Variants in PLEKHG5 observed in about 807,000 individuals in gnomAD.
The protein encoded by PLEKHG5 is pleckstrin homology domain-containing family G member 5.
PLEKHG5 carries 52 observed loss-of-function variants against 103.8 expected under a neutral mutation model. That is an observed-to-expected ratio of 0.50 (90% CI 0.40 to 0.63). The LOEUF (loss-of-function observed/expected upper bound fraction) is 0.63. PLEKHG5 is among the 30% of genes least tolerant of loss of function. The pLI, the probability that PLEKHG5 is intolerant of heterozygous loss-of-function variation, is 0.00. For missense variants in PLEKHG5, 1,205 were observed against 1,347.6 expected (o/e 0.89, Z 1.66); for synonymous variants, 592 against 575.5 (o/e 1.03, Z -0.41).
At chr1:6,497,679 G>C (rs958377075), upstream of PLEKHG5, among the ~76,000 whole-genome samples, 1 of 152,038 alleles carries the variant, frequency 6.6e-6, no homozygotes, top group Non-Finnish European at 1.5e-5. The surrounding 1 kb of genome is among the most constrained non-coding windows in gnomAD (Gnocchi z 6.1). Context: ...CTGTCCGCAG[G>C]AATGCAGGCC....
intron 1 of PLEKHG5, among the ~76,000 whole-genome samples, chr1:6,511,478 G>A (rs1201778122): frequency 6.6e-6 from 1 of 152,250 alleles, no homozygotes; most frequent in Non-Finnish European, 1.5e-5. Flanking sequence ...AGCCTGGCAA[G>A]CCCGAGAGAA....
At chr1:6,515,456 G>A (rs1638588056) in intron 1 of PLEKHG5, among the ~76,000 whole-genome samples, 1 of 152,158 alleles carries the variant, frequency 6.6e-6, no homozygotes, top group Non-Finnish European at 1.5e-5. Flanking sequence ...GAACCCAGGA[G>A]GTGGGGGTTG....
intron 7 of PLEKHG5, 108 bp downstream of exon 7, chr1:6,473,905 C>T (rs961555354): frequency 8.9e-6 from 10 of 1,120,826 alleles, no homozygotes; most frequent in African/African-American, 7.8e-5. Flanking sequence ...AATTAAAACC[C>T]CAAGATGGGG....
At chr1:6,476,747 A>G (rs1404404029) in intron 2 of PLEKHG5, among the ~76,000 whole-genome samples, 1 of 151,568 alleles carries the variant, frequency 6.6e-6, no homozygotes, top group East Asian at 1.9e-4. Context: ...AGTGGGAGAG[A>G]GTCTTTTGTT....
chr1:6,486,293 G>A lies in PLEKHG5; in HGVS notation c.-88+5344C>T, dbSNP rs1338620178. On this transcript the variant is annotated intron_variant, in intron 1 of 20. Transcript: ENST00000377728. The surrounding 1 kb of genome is among the most constrained non-coding windows in gnomAD (Gnocchi z 5.3). ...GTCCGGCTCTCCATCTAGCCCCAGG[G>A]ACACCCCTCTCTGCTCCAACACCAG... is the stretch of plus-strand genomic sequence containing the variant. Among the ~76,000 whole-genome samples the A allele has an allele frequency of 6.6e-6, 1 of 152,040 alleles. No individual in the cohort carries two copies. Among genetic ancestry groups the A allele is most frequent in the Non-Finnish European group, 1.5e-5 (1 of 67,978 alleles).
At chr1:6,515,478 G>C (rs1638588465) in intron 1 of PLEKHG5, among the ~76,000 whole-genome samples, 1 of 152,050 alleles carries the variant, frequency 6.6e-6, no homozygotes, top group South Asian at 2.1e-4. Flanking sequence ...AGTGAGCCAA[G>C]ATTTTGCCAC....
rs1223734533 is a variant in PLEKHG5, at chr1:6,468,067, A to G, written c.2769T>C (p.Ala923=). 6.3e-7 allele frequency: 1 copy of G among 1,577,468 alleles called. No homozygotes were observed. The highest frequency in any genetic ancestry group is 1.1e-5 in the South Asian group (1 of 87,114). The part of the protein sequence containing the change: ...GIRTQGSPQE[A]GPSWDCRGAP... The stretch of plus-strand genomic sequence containing the variant: ...CCCCTCGGCAATCCCAGCTGGGCCC[A>G]GCTTCCTGAGGGGAGCCCTGAGTCC... The change falls in exon 20 of 21, where the codon GCT becomes GCC. Residue 923 remains alanine, a synonymous_variant. Coordinates refer to ENST00000377728, the MANE Select transcript of PLEKHG5 (RefSeq NM_020631.6).
intron 12 of PLEKHG5, 41 bp downstream of exon 12, chr1:6,471,447 C>G (rs753842767): frequency 1.9e-6 from 3 of 1,593,434 alleles, no homozygotes; most frequent in Non-Finnish European, 2.6e-6. Flanking sequence ...GCGCCCCAGC[C>G]CTGCCTCAGT....
chr1:6,467,416 A>C lies in PLEKHG5; in HGVS notation c.*147T>G. The C allele has an allele frequency of 1.1e-6, 1 of 877,594 alleles. No homozygotes were observed. The highest frequency in any genetic ancestry group is 1.3e-5 in the South Asian group (1 of 76,218). The allele number at this position is 877,594 out of a possible 1,614,324, so 54.4% of individuals were successfully genotyped here. A position where few individuals can be genotyped will look rare whatever the true frequency, so the allele number is the denominator to read the frequency against. ...ACTCCATCCAGTCCGGCAAAGCGCAAATCGGGCCCGGGCGTAGGCAGGGAT... is the reference window on the plus strand; with the variant it reads ...ACTCCATCCAGTCCGGCAAAGCGCACATCGGGCCCGGGCGTAGGCAGGGAT... On this transcript the variant is annotated 3_prime_UTR_variant, in exon 21 of 21. Coordinates refer to ENST00000377728, the MANE Select transcript of PLEKHG5 (RefSeq NM_020631.6).
At chr1:6,477,718 G>C in intron 1 of PLEKHG5, 60 bp from the exon 2 acceptor site, 2 of 1,559,320 alleles carry the variant, frequency 1.3e-6, no homozygotes, top group Non-Finnish European at 1.7e-6. Context: ...CCTCGACCCC[G>C]GCCCAGCGCT....
intron 5 of PLEKHG5, 168 bp downstream of exon 5, chr1:6,474,879 C>A: frequency 1.4e-6 from 1 of 734,638 alleles, no homozygotes; most frequent in Non-Finnish European, 2.5e-6. Context: ...CCACCGCACT[C>A]CCTCACACTG....
chr1:6,489,279 G>A (rs887588998), intron 1 of PLEKHG5, among the ~76,000 whole-genome samples: 3 of 152,154 alleles, frequency 2.0e-5, no homozygotes, highest in African/African-American at 4.8e-5. Flanking sequence ...GGCTCTCTAC[G>A]CTCCACCCGG....
chr1:6,514,542 C>T (rs1638563040), intron 1 of PLEKHG5, among the ~76,000 whole-genome samples: 1 of 151,806 alleles, frequency 6.6e-6, no homozygotes, highest in African/African-American at 2.4e-5. Context: ...GCAGGCAGAT[C>T]ACGAGGTCAG....
intron 1 of PLEKHG5, chr1:6,485,303 CGCCCCGTCCCG>C: frequency 7.3e-7 from 1 of 1,360,808 alleles, no homozygotes; most frequent in Non-Finnish European, 9.4e-7. Flanking sequence ...GCCCCGTTCC[CGCCCCGTCCCG>C]GCCCCGTACC....
At chr1:6,503,842 G>A (rs1271509058) in intron 1 of PLEKHG5, among the ~76,000 whole-genome samples, 1 of 152,216 alleles carries the variant, frequency 6.6e-6, no homozygotes, top group East Asian at 1.9e-4. Context: ...CTGCCCCAGA[G>A]GCAGGAGAGA....
At position 6,474,607 on chromosome 1, in the gene PLEKHG5, C is replaced by G; in HGVS notation, c.303-20G>C. On this transcript the variant is annotated intron_variant, in intron 5 of 20. Coordinates refer to ENST00000377728, the MANE Select transcript of PLEKHG5 (RefSeq NM_020631.6). ...ACCTCCCTGCCCCCAGGACAGGAGG[C>G]ATGTGTGTTAGAACCAGGCGGCCAG... 6.2e-7 allele frequency: 1 copy of G among 1,612,734 alleles called. No individual in the cohort carries two copies. The highest frequency in any genetic ancestry group is 1.3e-5 in the African/African-American group (1 of 75,048).
In PLEKHG5 at chr1:6,486,740, C is replaced by G. The variant is rs2148616124; in HGVS notation, c.-88+4897G>C. ...TGTCAAAGCGCTTTTACACTGATTC[C>G]CAGGAAGGCAGGGCAGGCACCATTA... On this transcript the variant is annotated intron_variant, in intron 1 of 20. Coordinates refer to ENST00000377728, the MANE Select transcript of PLEKHG5 (RefSeq NM_020631.6). This position sits in a 1 kb window ranked among gnomAD's most constrained non-coding sequence, Gnocchi z 5.3. 6.6e-6 allele frequency among the ~76,000 whole-genome samples: 1 copy of G among 152,314 alleles called. No individual in the cohort carries two copies. The highest frequency in any genetic ancestry group is 2.1e-4 in the South Asian group (1 of 4,826).
In PLEKHG5 at chr1:6,468,108, G is replaced by A. The variant is rs1334075760; in HGVS notation, c.2728C>T (p.Pro910Ser). 14 of 1,581,352 alleles carry A rather than the reference G, an allele frequency of 8.9e-6. No homozygotes were observed. The highest frequency in any genetic ancestry group is 8.6e-6 in the Non-Finnish European group (10 of 1,163,906). ...RSLSELCLAV[P>S]APGIRTQGSP... Reference sequence around the variant, plus strand: ...CCCTGAGTCCTAATACCTGGGGCTGGAACAGCCAGGCAGAGCTCTGACAGG... The same window carrying A: ...CCCTGAGTCCTAATACCTGGGGCTGAAACAGCCAGGCAGAGCTCTGACAGG... Residue 910 changes from proline (P) to serine (S), a missense_variant, in exon 20 of 21, where the codon CCA becomes TCA. Physicochemically the swap from Pro to Ser is moderately conservative, Grantham distance 74 (BLOSUM62 -1). Coordinates refer to ENST00000377728, the MANE Select transcript of PLEKHG5 (RefSeq NM_020631.6).
At chr1:6,501,140 G>A (rs766182383), upstream of PLEKHG5, among the ~76,000 whole-genome samples, 11 of 152,108 alleles carry the variant, frequency 7.2e-5, no homozygotes, top group East Asian at 1.9e-4. The surrounding 1 kb of genome is among the most constrained non-coding windows in gnomAD (Gnocchi z 4.3). Flanking sequence ...TGTTCTGGAC[G>A]GCTCCAGCTC....
Sources: allele counts gnomAD v4.1 joint callset (sites outside exome capture counted in the v4.1 genomes callset), GRCh38; gene constraint gnomAD v4.1.1; non-coding constraint Gnocchi (gnomAD v3.1); transcripts MANE v1.5; gene names NCBI Gene and HGNC (gene_info 2026-07-23, HGNC 2026-07-21).